ZDHHC3: variants seen among roughly 807,000 people sequenced by gnomAD.
The protein encoded by ZDHHC3 is zDHHC palmitoyltransferase 3.
In ZDHHC3, 9 loss-of-function variants were observed where a neutral mutation model predicts 30.6. That is an observed-to-expected ratio of 0.29 (90% CI 0.18 to 0.51). The LOEUF (loss-of-function observed/expected upper bound fraction) is 0.51. ZDHHC3 is among the 20% of genes least tolerant of loss of function. ZDHHC3 has a pLI of 0.97. For missense variants in ZDHHC3, 246 were observed against 384.2 expected, an observed-to-expected ratio of 0.64 and a Z score of 3.01; for synonymous variants, 136 against 140.2, an observed-to-expected ratio of 0.97 and a Z score of 0.21.
chr3:44,970,021 C>T (rs1705282086), intron 1 of ZDHHC3: 1 of 152,258 alleles, frequency 6.6e-6, no homozygotes, highest in Non-Finnish European at 1.5e-5. Flanking sequence ...TGTGACATCA[C>T]TTAGGCTAGG....
intron 1 of ZDHHC3, among the ~76,000 whole-genome samples, chr3:44,960,693 C>T (rs1370852774): frequency 6.6e-6 from 1 of 152,208 alleles, no homozygotes; most frequent in Non-Finnish European, 1.5e-5. Flanking sequence ...ACTCATAGCA[C>T]AGGCTACAAC....
chr3:44,941,697 TAGA>T (rs554974723), intron 3 of ZDHHC3, among the ~76,000 whole-genome samples: 11 of 148,120 alleles, frequency 7.4e-5, no homozygotes, highest in African/African-American at 2.5e-4. Flanking sequence ...GCCACACTGG[TAGA>T]AGAAGAACTG....
chr3:44,950,220 T>C (rs575532250), intron 2 of ZDHHC3, among the ~76,000 whole-genome samples: 5 of 152,346 alleles, frequency 3.3e-5, no homozygotes, highest in African/African-American at 9.6e-5. Flanking sequence ...GAAGTTACTA[T>C]TGTCATGTGT....
intron 1 of ZDHHC3, among the ~76,000 whole-genome samples, chr3:44,963,213 A>G (rs1413782242): frequency 6.6e-6 from 1 of 152,182 alleles, no homozygotes; most frequent in Non-Finnish European, 1.5e-5. Context: ...GTGGGACCAA[A>G]GAGTGTACAG....
In ZDHHC3 at chr3:44,921,669, C is replaced by T; in HGVS notation, c.*5020G>A. On this transcript the variant is annotated 3_prime_UTR_variant, in exon 7 of 7. Coordinates refer to ENST00000424952, the MANE Select transcript of ZDHHC3 (RefSeq NM_001135179.2). The stretch of plus-strand genomic sequence containing the variant: ...TCCTATTCATCACCCTCATTTAATC[C>T]TTCCATTAACTTTGTGATTTAGATT... 1 of 970,358 alleles carries T rather than the reference C, an allele frequency of 1.0e-6. No individual in the cohort carries two copies. The allele number at this position is 970,358 out of a possible 1,614,324, so 60.1% of individuals were successfully genotyped here.
Position 44,959,073 on chromosome 3 carries a change from A to T in ZDHHC3, c.306+58T>A. The T allele has an allele frequency of 1.9e-6, 3 of 1,584,204 alleles. No individual in the cohort carries two copies. Among genetic ancestry groups the T allele is most frequent in the Non-Finnish European group, 2.6e-6 (3 of 1,158,902 alleles). ...CAGGGGGAACATGCAGGCTGTGGCC[A>T]TGCCAGAGCCAGAGGAGGAGAGTGT... On this transcript the variant is annotated intron_variant, in intron 2 of 6. Transcript: ENST00000424952. The surrounding 1 kb of genome is among the most constrained non-coding windows in gnomAD (Gnocchi z 4.3).
At chr3:44,929,814 T>G (rs929545284) in intron 5 of ZDHHC3, among the ~76,000 whole-genome samples, 2 of 152,276 alleles carry the variant, frequency 1.3e-5, no homozygotes, top group South Asian at 4.1e-4. Flanking sequence ...GAGAGCACAA[T>G]GCAGGTACAC....
chr3:44,926,315 G>A lies in ZDHHC3; in HGVS notation c.*374C>T. ...TGGCTTTCCCATGCATCCCCCACCA[G>A]GTGTCCAGACTATTCCATCCACGCA... On this transcript the variant is annotated 3_prime_UTR_variant, in exon 7 of 7. Coordinates refer to ENST00000424952, the MANE Select transcript of ZDHHC3 (RefSeq NM_001135179.2). 1 of 993,684 alleles carries A rather than the reference G, an allele frequency of 1.0e-6. No homozygotes were observed. The highest frequency in any genetic ancestry group is 1.7e-5 in the African/African-American group (1 of 57,712). The allele number at this position is 993,684 out of a possible 1,614,324, so 61.6% of individuals were successfully genotyped here.
intron 6 of ZDHHC3, among the ~76,000 whole-genome samples, 162 bp from the exon 7 acceptor site, chr3:44,927,009 A>G (rs1442489513): frequency 1.1e-4 from 16 of 152,156 alleles, no homozygotes; most frequent in Admixed American, 1.0e-3. Context: ...TACTAAAAAA[A>G]TTTCTCCTTT....
intron 2 of ZDHHC3, among the ~76,000 whole-genome samples, chr3:44,948,247 AAC>A (rs1411025704): frequency 1.3e-5 from 2 of 152,206 alleles, no homozygotes; most frequent in Non-Finnish European, 2.9e-5. Context: ...GATGGATTAT[AAC>A]AGGCCAAGTG....
chr3:44,926,104 AG>A lies in ZDHHC3; in HGVS notation c.*584del. The A allele has an allele frequency of 1.0e-6, 1 of 985,906 alleles. No homozygotes were observed. The highest frequency in any genetic ancestry group is 1.2e-6 in the Non-Finnish European group (1 of 829,980). The allele number at this position is 985,906 out of a possible 1,614,324, so 61.1% of individuals were successfully genotyped here. A position where few individuals can be genotyped will look rare whatever the true frequency, so the allele number is the denominator to read the frequency against. On this transcript the variant is annotated 3_prime_UTR_variant, in exon 7 of 7. Coordinates refer to ENST00000424952, the MANE Select transcript of ZDHHC3 (RefSeq NM_001135179.2). ...ACCCCAAGCCCATAAAGTACAAGGC[AG>A]GCAATTGCTTTGCGAGTTAGCAGGC...
Position 44,922,007 on chromosome 3 carries a change from G to C in ZDHHC3, c.*4682C>G. On this transcript the variant is annotated 3_prime_UTR_variant, in exon 7 of 7. Coordinates refer to ENST00000424952, the MANE Select transcript of ZDHHC3 (RefSeq NM_001135179.2). ...GCCCAACAGAGCGGGATCCCTGGGG[G>C]CCACTCTGCTTTGCTACGGCAATCA... 2 of 985,408 alleles carry C rather than the reference G, an allele frequency of 2.0e-6. No individual in the cohort carries two copies. The highest frequency in any genetic ancestry group is 2.4e-6 in the Non-Finnish European group (2 of 829,922). The allele number at this position is 985,408 out of a possible 1,614,324, so 61.0% of individuals were successfully genotyped here.
chr3:44,964,812 A>G (rs751285649), intron 1 of ZDHHC3, among the ~76,000 whole-genome samples: 1 of 152,242 alleles, frequency 6.6e-6, no homozygotes, highest in Non-Finnish European at 1.5e-5. Flanking sequence ...TGTAACTTGA[A>G]TTATAGTAAT....
chr3:44,968,927 G>A lies in ZDHHC3; in HGVS notation c.-25+7006C>T, dbSNP rs141202604. 2.6e-5 allele frequency among the ~76,000 whole-genome samples: 4 copies of A among 152,312 alleles called. No individual in the cohort carries two copies. In the East Asian group the frequency reaches 7.7e-4, roughly 29 times the overall value. On this transcript the variant is annotated intron_variant, in intron 1 of 6. Coordinates refer to ENST00000424952, the MANE Select transcript of ZDHHC3 (RefSeq NM_001135179.2). ...GGAAGTGAAGCTCAAGGAGTCAGTGGATCTTCACAGGGAGGTGGCTAACTT... is the reference window on the plus strand; with the variant it reads ...GGAAGTGAAGCTCAAGGAGTCAGTGAATCTTCACAGGGAGGTGGCTAACTT...
intron 3 of ZDHHC3, among the ~76,000 whole-genome samples, chr3:44,936,581 A>G (rs1048172368): frequency 2.0e-5 from 3 of 152,230 alleles, no homozygotes; most frequent in Non-Finnish European, 4.4e-5. Context: ...CACTATTCAC[A>G]ACAGCAAAGA....
At chr3:44,972,074 G>A (rs977000239) in intron 1 of ZDHHC3, among the ~76,000 whole-genome samples, 2 of 152,112 alleles carry the variant, frequency 1.3e-5, no homozygotes, top group Admixed American at 6.5e-5. Context: ...CATTTCAAGG[G>A]TGCTGGGCTA....
At chr3:44,941,780 T>C (rs1048678536) in intron 3 of ZDHHC3, among the ~76,000 whole-genome samples, 6 of 150,562 alleles carry the variant, frequency 4.0e-5, no homozygotes, top group Non-Finnish European at 8.8e-5. Context: ...AAAAAGTCTA[T>C]GCATACATGT....
In ZDHHC3 at chr3:44,926,441, G is replaced by A. The variant is rs1390410122; in HGVS notation, c.*248C>T. ...GACAGCAGAGAGAAACCAGAGGCCA[G>A]AGAAGTGATTTTAAAAGGAAAAGAG... On this transcript the variant is annotated 3_prime_UTR_variant, in exon 7 of 7. Coordinates refer to ENST00000424952, the MANE Select transcript of ZDHHC3 (RefSeq NM_001135179.2). 9 of 1,234,702 alleles carry A rather than the reference G, an allele frequency of 7.3e-6. No individual in the cohort carries two copies. The highest frequency in any genetic ancestry group is 2.9e-5 in the South Asian group (1 of 35,048). 76.5% of individuals were successfully genotyped at this position (1,234,702 alleles called of 1,614,324 possible). A position where few individuals can be genotyped will look rare whatever the true frequency, so the allele number is the denominator to read the frequency against.
In ZDHHC3 at chr3:44,924,549, T is replaced by C. The variant is rs936885736; in HGVS notation, c.*2140A>G. ...TATGCACAGCTTTAAAGGAGGAGTTTCTATTTTTAGGACTAAAAAAAAGTC... is the reference window on the plus strand; with the variant it reads ...TATGCACAGCTTTAAAGGAGGAGTTCCTATTTTTAGGACTAAAAAAAAGTC... On this transcript the variant is annotated 3_prime_UTR_variant, in exon 7 of 7. Coordinates refer to ENST00000424952, the MANE Select transcript of ZDHHC3 (RefSeq NM_001135179.2). 3 of 985,308 alleles carry C rather than the reference T, an allele frequency of 3.0e-6. No homozygotes were observed. The highest frequency in any genetic ancestry group is 3.6e-6 in the Non-Finnish European group (3 of 829,936). The allele number at this position is 985,308 out of a possible 1,614,324, so 61.0% of individuals were successfully genotyped here. A position where few individuals can be genotyped will look rare whatever the true frequency, so the allele number is the denominator to read the frequency against.
Sources: gnomAD v4.1 joint callset for allele counts (sites outside exome capture counted in the v4.1 genomes callset) on GRCh38, gnomAD v4.1.1 for gene constraint, Gnocchi (gnomAD v3.1) non-coding constraint, MANE v1.5 for transcripts, NCBI Gene and HGNC (gene_info 2026-07-23, HGNC 2026-07-21) for gene names.